Variants in ANGPT2 observed in about 807,000 individuals in gnomAD.
The protein encoded by ANGPT2 is angiopoietin-2.
ANGPT2 carries 28 observed loss-of-function variants against 62.9 expected under a neutral mutation model. That is an observed-to-expected ratio of 0.44 (90% CI 0.33 to 0.61). The LOEUF (loss-of-function observed/expected upper bound fraction) is 0.61, where lower values mean the gene tolerates loss of function less well. ANGPT2 is among the 20% of genes least tolerant of loss of function. ANGPT2 has a pLI of 0.03. For synonymous variants in ANGPT2, 284 were observed against 207.8 expected (o/e 1.37, Z -3.15); for missense variants, 727 against 594.9 (o/e 1.22, Z -2.31).
chr8:6,517,414 G>C (rs545870380), intron 5 of ANGPT2, among the ~76,000 whole-genome samples: 14 of 152,352 alleles, frequency 9.2e-5, no homozygotes, highest in Middle Eastern at 3.4e-3. Flanking sequence ...GGAAGGAAAT[G>C]ACCATACATG....
rs58644815 is a variant in ANGPT2, at chr8:6,506,770, G to A, written c.1327+2162C>T. On this transcript the variant is annotated intron_variant, in intron 8 of 8. Transcript: ENST00000629816. ...AGTAGTCATATTATCTCAGGAACCAGAGGATTGCTTTTTTTTTTTTTTTAA... is the reference window on the plus strand; with the variant it reads ...AGTAGTCATATTATCTCAGGAACCAAAGGATTGCTTTTTTTTTTTTTTTAA... 5.3e-5 allele frequency among the ~76,000 whole-genome samples: 8 copies of A among 151,070 alleles called. No individual in the cohort carries two copies. The East Asian group carries it at 1.4e-3, about 26-fold the overall frequency.
In ANGPT2 at chr8:6,502,144, G is replaced by A. The variant is rs1231072176; in HGVS notation, c.*957C>T. On this transcript the variant is annotated 3_prime_UTR_variant, in exon 9 of 9. Coordinates refer to ENST00000629816, the MANE Select transcript of ANGPT2 (RefSeq NM_001118887.2). ...ACAGACCTCTGTTTTAGAATAGTGA[G>A]AAGATAGTAAAGTTTCTTTGTCATA... 6.6e-6 allele frequency: 1 copy of A among 152,084 alleles called. No individual in the cohort carries two copies. The highest frequency in any genetic ancestry group is 1.5e-5 in the Non-Finnish European group (1 of 68,008). The allele number at this position is 152,084 out of a possible 1,614,324, so 9.4% of individuals were successfully genotyped here.
intron 3 of ANGPT2, among the ~76,000 whole-genome samples, chr8:6,526,827 C>T (rs184978647): frequency 6.6e-6 from 1 of 152,202 alleles, no homozygotes; most frequent in Non-Finnish European, 1.5e-5. Flanking sequence ...AAATTATCCT[C>T]TTTTGTCCCA....
intron 2 of ANGPT2, among the ~76,000 whole-genome samples, chr8:6,529,233 C>G (rs1243639046): frequency 2.0e-5 from 3 of 152,174 alleles, no homozygotes; most frequent in African/African-American, 7.2e-5. Flanking sequence ...GTATTGATCT[C>G]TCATTCCCTT....
intron 8 of ANGPT2, 126 bp downstream of exon 8, chr8:6,508,806 A>C: frequency 7.7e-7 from 1 of 1,303,066 alleles, no homozygotes; most frequent in Non-Finnish European, 1.1e-6. Flanking sequence ...ATATCAAGCT[A>C]GTGTGTCTAC....
chr8:6,555,027 C>A (rs536040364), intron 1 of ANGPT2, among the ~76,000 whole-genome samples: 1 of 152,212 alleles, frequency 6.6e-6, no homozygotes, highest in African/African-American at 2.4e-5. Flanking sequence ...GAGTTCCTTC[C>A]CCTTTTTTTT....
In ANGPT2 at chr8:6,519,986, C is replaced by G. The variant is rs147113668; in HGVS notation, c.805G>C (p.Asp269His). 848 of 1,613,408 alleles carry G rather than the reference C, an allele frequency of 5.3e-4. 7 individuals are homozygous for G. In the Admixed American group the frequency reaches 0.012, roughly 23 times the overall value. Residue 269 changes from aspartate (D) to histidine (H), a missense_variant, in exon 5 of 9, where the codon GAC becomes CAC. Transcript: ENST00000629816. The stretch of plus-strand genomic sequence containing the variant: ...TGTTCTTCTTTAGCAACAGTGGGGT[C>G]CTTAGCTGCTTTTAAAAAATAGTAA... The part of the protein sequence containing the change: ...LTMMSTSNSK[D>H]PTVAKEEQIS...
chr8:6,532,311 G>A (rs1302774975), intron 2 of ANGPT2, 21 bp downstream of exon 2: 1 of 1,613,954 alleles, frequency 6.2e-7, no homozygotes, highest in Non-Finnish European at 8.5e-7. Context: ...GACACCGTGT[G>A]CTTTATGTGG....
At chr8:6,545,978 A>T (rs772393310) in intron 1 of ANGPT2, among the ~76,000 whole-genome samples, 1 of 152,236 alleles carries the variant, frequency 6.6e-6, no homozygotes, top group Non-Finnish European at 1.5e-5. Context: ...GATATTTGTG[A>T]CATTGGAAGC....
intron 1 of ANGPT2, among the ~76,000 whole-genome samples, chr8:6,545,561 G>A (rs754076252): frequency 2.0e-5 from 3 of 152,188 alleles, no homozygotes; most frequent in Non-Finnish European, 2.9e-5. Context: ...AACCATTCCA[G>A]CCATCTGATG....
chr8:6,537,602 C>A (rs1040798595), intron 1 of ANGPT2, among the ~76,000 whole-genome samples: 1 of 151,346 alleles, frequency 6.6e-6, no homozygotes, highest in Admixed American at 6.6e-5. Flanking sequence ...AAAATATGTT[C>A]TGAAGTTTTT....
chr8:6,557,503 T>C (rs1824828693), intron 1 of ANGPT2, among the ~76,000 whole-genome samples: 1 of 152,040 alleles, frequency 6.6e-6, no homozygotes, highest in South Asian at 2.1e-4. Flanking sequence ...AGGAGAAAAT[T>C]CTCATTGTTA....
chr8:6,504,482 G>A lies in ANGPT2; in HGVS notation c.1328-1221C>T, dbSNP rs1812874770. 2.6e-5 allele frequency among the ~76,000 whole-genome samples: 4 copies of A among 152,210 alleles called. No individual in the cohort carries two copies. In the South Asian group the frequency reaches 8.3e-4, roughly 32 times the overall value. On this transcript the variant is annotated intron_variant, in intron 8 of 8. Coordinates refer to ENST00000629816, the MANE Select transcript of ANGPT2 (RefSeq NM_001118887.2). The stretch of plus-strand genomic sequence containing the variant: ...CATCCGGTCTCCTGATCACTTAGTA[G>A]CTGTCTTGGTTATTAGATCGATTGT...
intron 5 of ANGPT2, among the ~76,000 whole-genome samples, chr8:6,519,461 A>G (rs548486967): frequency 6.6e-6 from 1 of 152,352 alleles, no homozygotes; most frequent in East Asian, 1.9e-4. Flanking sequence ...ACACAGCAGT[A>G]GAAATTATTA....
In ANGPT2 at chr8:6,528,140, A is replaced by G. The variant is rs972020995; in HGVS notation, c.445-464T>C. 3.3e-5 allele frequency among the ~76,000 whole-genome samples: 5 copies of G among 152,180 alleles called. No individual in the cohort carries two copies. In the South Asian group the frequency reaches 6.2e-4, roughly 19 times the overall value. On this transcript the variant is annotated intron_variant, in intron 2 of 8. Transcript: ENST00000629816. ...TGGAACTCCTGACCTCAAGGGATTCACCTGCCTCGGCCTCCCATAGTGCTG... is the reference window on the plus strand; with the variant it reads ...TGGAACTCCTGACCTCAAGGGATTCGCCTGCCTCGGCCTCCCATAGTGCTG...
intron 1 of ANGPT2, among the ~76,000 whole-genome samples, chr8:6,547,300 A>G (rs113412396): frequency 1.3e-5 from 2 of 152,114 alleles, no homozygotes; most frequent in Non-Finnish European, 2.9e-5. Context: ...AAAAGTACAG[A>G]GACTTGAATC....
rs115826407 is a variant in ANGPT2, at chr8:6,549,813, A to T, written c.288+12834T>A. On this transcript the variant is annotated intron_variant, in intron 1 of 8. Coordinates refer to ENST00000629816, the MANE Select transcript of ANGPT2 (RefSeq NM_001118887.2). Reference sequence around the variant, plus strand: ...GTGGTCATTGCACAGGTGCGCACAGATACAAAAATTTACCAAGTTGTACAC... The same window carrying T: ...GTGGTCATTGCACAGGTGCGCACAGTTACAAAAATTTACCAAGTTGTACAC... Among the ~76,000 whole-genome samples, 214 of 152,370 alleles carry T rather than the reference A, an allele frequency of 1.4e-3. 1 individual carries two copies. Among genetic ancestry groups the T allele is most frequent in the African/African-American group, 5.0e-3 (209 of 41,594 alleles).
chr8:6,517,437 G>A (rs1020817472), intron 5 of ANGPT2, among the ~76,000 whole-genome samples: 1 of 152,220 alleles, frequency 6.6e-6, no homozygotes, highest in African/African-American at 2.4e-5. Context: ...TTTGATAAAT[G>A]CCATCTTGCA....
Position 6,538,531 on chromosome 8 carries a change from C to T in ANGPT2, c.289-6044G>A, listed in dbSNP as rs2129573085. Among the ~76,000 whole-genome samples, 4 of 152,312 alleles carry T rather than the reference C, an allele frequency of 2.6e-5. No individual in the cohort carries two copies. In the Middle Eastern group the frequency reaches 0.014, roughly 518 times the overall value. On this transcript the variant is annotated intron_variant, in intron 1 of 8. Coordinates refer to ENST00000629816, the MANE Select transcript of ANGPT2 (RefSeq NM_001118887.2). ...GACTGGCGCCCCTGATCTTGTGGGC[C>T]TCAGACCTGGGCGCGCACTGTCCTT...
Sources: gnomAD v4.1 joint callset for allele counts (sites outside exome capture counted in the v4.1 genomes callset) on GRCh38, gnomAD v4.1.1 for gene constraint, MANE v1.5 for transcripts, NCBI Gene and HGNC (gene_info 2026-07-23, HGNC 2026-07-21) for gene names.